The following TOX4 variants were observed in gnomAD, a reference collection of about 807,000 sequenced individuals.
The protein encoded by TOX4 is TOX high mobility group box family member 4, also known as epidermal Langerhans cell protein LCP1.
In TOX4, 12 loss-of-function variants were observed where a neutral mutation model predicts 61.0. The observed-to-expected ratio is 0.20, with a 90% CI of 0.13 to 0.32. The LOEUF is 0.32. TOX4 is among the 10% of genes least tolerant of loss of function. The probability of loss-of-function intolerance (pLI) is 1.00; values close to 1 mark genes in which losing one functional copy is unlikely to be tolerated. For missense variants in TOX4, 499 were observed against 753.3 expected (o/e 0.66, Z 3.95); for synonymous variants, 268 against 274.8 (o/e 0.98, Z 0.24).
At chr14:21,483,708 AT>A (rs1250345644) in intron 2 of TOX4, among the ~76,000 whole-genome samples, 1 of 151,716 alleles carries the variant, frequency 6.6e-6, no homozygotes, top group Non-Finnish European at 1.5e-5. Context: ...AACAACATAC[AT>A]AAATACATGA....
Position 21,498,333 on chromosome 14 carries a change from T to C in TOX4, c.*1727T>C, listed in dbSNP as rs1342755654. 2 of 1,614,010 alleles carry C rather than the reference T, an allele frequency of 1.2e-6. No individual in the cohort carries two copies. Among genetic ancestry groups the C allele is most frequent in the African/African-American group, 2.7e-5 (2 of 74,910 alleles). ...ACCGTGCAACCACATCTGGGTCTAGTAGGTGGATCCCATCCAGTTGGTTTC... is the reference window on the plus strand; with the variant it reads ...ACCGTGCAACCACATCTGGGTCTAGCAGGTGGATCCCATCCAGTTGGTTTC... On this transcript the variant is annotated 3_prime_UTR_variant, in exon 9 of 9. Transcript: ENST00000448790.
chr14:21,477,737 T>C, intron 2 of TOX4, 173 bp downstream of exon 2: 1 of 659,782 alleles, frequency 1.5e-6, no homozygotes, highest in South Asian at 1.9e-5. Context: ...TCTGGGGAAG[T>C]CTTGGGAAGT....
rs752527574 is a variant in TOX4 at position 21,495,290 on chromosome 14, C to T, written c.1703C>T (p.Pro568Leu). 2 of 1,614,096 alleles carry T rather than the reference C, an allele frequency of 1.2e-6. No homozygotes were observed. The highest frequency in any genetic ancestry group is 1.7e-6 in the Non-Finnish European group (2 of 1,180,012). Residue 568 changes from proline (P) to leucine (L), a missense_variant, in exon 8 of 9, where the codon CCC becomes CTC. Physicochemically the swap from Pro to Leu is moderately conservative, Grantham distance 98. Coordinates refer to ENST00000448790, the MANE Select transcript of TOX4 (RefSeq NM_014828.4). ...LVSGSPVALS[P>L]QPRCVRSGCE... is the part of the protein sequence containing the mutation. ...AGTGGGTCTCCTGTGGCACTCTCAC[C>T]CCAGCCTCGATGTGTGAGGTCTGGT... is the stretch of plus-strand genomic sequence containing the variant.
intron 7 of TOX4, 117 bp from the exon 8 acceptor site, chr14:21,495,112 C>G (rs540308205): frequency 4.2e-6 from 5 of 1,183,880 alleles, no homozygotes; most frequent in Non-Finnish European, 6.0e-6. Context: ...GTTTTGCCCC[C>G]CAGTGTGAGG....
At chr14:21,489,139 C>T in intron 4 of TOX4, 34 bp from the exon 5 acceptor site, 1 of 1,591,042 alleles carries the variant, frequency 6.3e-7, no homozygotes, top group Non-Finnish European at 8.6e-7. Flanking sequence ...TGTCATTGTC[C>T]ATTGTGTAAT....
Position 21,477,404 on chromosome 14 carries a change from G to T in TOX4, c.7-92G>T, listed in dbSNP as rs954720664. On this transcript the variant is annotated intron_variant, in intron 1 of 8. Coordinates refer to ENST00000448790, the MANE Select transcript of TOX4 (RefSeq NM_014828.4). ...GAGGAGAGAGAGCGGGGTTTGGGGA[G>T]TGTTGTCAGAATGTCAGGGTCAAAA... is the stretch of plus-strand genomic sequence containing the variant. The T allele has an allele frequency of 2.5e-6, 4 of 1,610,736 alleles. No homozygotes were observed. In the Admixed American group the frequency reaches 6.7e-5, roughly 27 times the overall value.
rs372701653 is a variant in TOX4 at position 21,477,923 on chromosome 14, A to G, written c.75+359A>G. 2.6e-5 allele frequency among the ~76,000 whole-genome samples: 4 copies of G among 152,140 alleles called. No homozygotes were observed. The East Asian group carries it at 5.8e-4, about 22-fold the overall frequency. On this transcript the variant is annotated intron_variant, in intron 2 of 8. Coordinates refer to ENST00000448790, the MANE Select transcript of TOX4 (RefSeq NM_014828.4). Reference sequence around the variant, plus strand: ...TCAGCAGCTGAAGAAATTGGGGTTGAGGGGAGGAGCTTATTGGTTTTCTTT... The same window carrying G: ...TCAGCAGCTGAAGAAATTGGGGTTGGGGGGAGGAGCTTATTGGTTTTCTTT...
Position 21,489,193 on chromosome 14 carries a change from A to G in TOX4, c.600A>G (p.Thr200=). ...DFRRQLPSQK[T]VVVEAGKKQK... is the part of the protein sequence containing the mutation. ...TACAGCAACTTCCCAGCCAGAAGAC[A>G]GTCGTGGTGGAAGCAGGGAAAAAGC... The change falls in exon 5 of 9, where the codon ACA becomes ACG. Residue 200 remains threonine, a synonymous_variant. Transcript: ENST00000448790. 1 of 1,613,930 alleles carries G rather than the reference A, an allele frequency of 6.2e-7. No individual in the cohort carries two copies. The highest frequency in any genetic ancestry group is 1.1e-5 in the South Asian group (1 of 91,042).
At chr14:21,484,456 C>T (rs1891165078) in intron 2 of TOX4, among the ~76,000 whole-genome samples, 1 of 102,294 alleles carries the variant, frequency 9.8e-6, no homozygotes, top group African/African-American at 3.6e-5. Flanking sequence ...TCAAGTGATT[C>T]TCCTGCCTCA....
chr14:21,480,960 C>A (rs2139617782), intron 2 of TOX4, among the ~76,000 whole-genome samples: 1 of 152,146 alleles, frequency 6.6e-6, no homozygotes, highest in Non-Finnish European at 1.5e-5. Flanking sequence ...TGTGGCAGCG[C>A]ATGCCTGTAA....
intron 5 of TOX4, among the ~76,000 whole-genome samples, chr14:21,491,801 G>A (rs1938468609): frequency 2.7e-5 from 4 of 150,892 alleles, no homozygotes; most frequent in Non-Finnish European, 4.4e-5. Flanking sequence ...CACAAGGTCA[G>A]GAGATCGAGA....
In TOX4 at chr14:21,495,370, G is replaced by C. The variant is rs769061163; in HGVS notation, c.1783G>C (p.Glu595Gln). 6.2e-7 allele frequency: 1 copy of C among 1,613,946 alleles called. No individual in the cohort carries two copies. The highest frequency in any genetic ancestry group is 8.5e-7 in the Non-Finnish European group (1 of 1,179,916). The part of the protein sequence containing the change: ...KDWDNEYCSN[E>Q]CVVKHCRDVF... ...CTGGGACAATGAATACTGCAGCAAT[G>C]AGTGTGTGGTGAAGCACTGCAGGTG... The change falls in exon 8 of 9, where the codon GAG becomes CAG. Residue 595 changes from glutamate to glutamine, a missense_variant. Glu to Gln is a conservative substitution (Grantham distance 29, BLOSUM62 2). Around this residue, in one of 7 missense-constraint regions of TOX4, gnomAD observed 296 missense variants for 404.7 expected, o/e 0.73. Transcript: ENST00000448790.
chr14:21,498,432 A>G lies in TOX4; in HGVS notation c.*1826A>G. The G allele has an allele frequency of 6.7e-7, 1 of 1,494,516 alleles. No individual in the cohort carries two copies. Among genetic ancestry groups the G allele is most frequent in the Non-Finnish European group, 9.2e-7 (1 of 1,081,426 alleles). The allele number at this position is 1,494,516 out of a possible 1,614,324, so 92.6% of individuals were successfully genotyped here. A position where few individuals can be genotyped will look rare whatever the true frequency, so the allele number is the denominator to read the frequency against. On this transcript the variant is annotated 3_prime_UTR_variant, in exon 9 of 9. Transcript: ENST00000448790. ...TGGAATTAGAGGGTTTAATATTGTTAAAAAATGCATACCAAATGAAGACTG... is the reference window on the plus strand; with the variant it reads ...TGGAATTAGAGGGTTTAATATTGTTGAAAAATGCATACCAAATGAAGACTG...
At chr14:21,486,996 CA>C (rs1375483486) in intron 2 of TOX4, among the ~76,000 whole-genome samples, 1 of 152,170 alleles carries the variant, frequency 6.6e-6, no homozygotes, top group African/African-American at 2.4e-5. Flanking sequence ...CCTAAAACAA[CA>C]AAGTATAATT....
chr14:21,494,193 A>G (rs1447043624), intron 7 of TOX4, among the ~76,000 whole-genome samples: 1 of 152,256 alleles, frequency 6.6e-6, no homozygotes, highest in Non-Finnish European at 1.5e-5. Context: ...AACTTTGGAC[A>G]TGCAAAGCTT....
chr14:21,483,686 A>C (rs973770519), intron 2 of TOX4, among the ~76,000 whole-genome samples: 38 of 152,106 alleles, frequency 2.5e-4, no homozygotes, highest in Non-Finnish European at 4.3e-4. Context: ...GAATTAAAAA[A>C]AACAACAACA....
rs1891189103 is a variant in TOX4, at chr14:21,486,244, TG to T, written c.76-1205del. On this transcript the variant is annotated intron_variant, in intron 2 of 8. Transcript: ENST00000448790. ...GTTCAATTATGAAAAAAAAAAATGTTGGTACCTATTGAATTTGATCTGAATC... is the reference window on the plus strand; with the variant it reads ...GTTCAATTATGAAAAAAAAAAATGTTGTACCTATTGAATTTGATCTGAATC... Among the ~76,000 whole-genome samples the T allele has an allele frequency of 1.9e-5, 2 of 107,116 alleles. 1 individual carries two copies. The highest frequency in any genetic ancestry group is 4.1e-5 in the Non-Finnish European group (2 of 48,786). 70.3% of individuals were successfully genotyped at this position (107,116 alleles called of 152,430 possible). A position where few individuals can be genotyped will look rare whatever the true frequency, so the allele number is the denominator to read the frequency against.
chr14:21,486,230 A>G lies in TOX4; in HGVS notation c.76-1221A>G, dbSNP rs1891188821. Among the ~76,000 whole-genome samples, 3 of 99,354 alleles carry G rather than the reference A, an allele frequency of 3.0e-5. 1 individual carries two copies. In the South Asian group the frequency reaches 1.0e-3, roughly 34 times the overall value. 65.2% of individuals were successfully genotyped at this position (99,354 alleles called of 152,430 possible). A position where few individuals can be genotyped will look rare whatever the true frequency, so the allele number is the denominator to read the frequency against. Reference sequence around the variant, plus strand: ...TTAAAGAATGCATTGTTCAATTATGAAAAAAAAAAATGTTGGTACCTATTG... The same window carrying G: ...TTAAAGAATGCATTGTTCAATTATGGAAAAAAAAAATGTTGGTACCTATTG... On this transcript the variant is annotated intron_variant, in intron 2 of 8. Coordinates refer to ENST00000448790, the MANE Select transcript of TOX4 (RefSeq NM_014828.4).
chr14:21,489,095 T>C, intron 4 of TOX4, 78 bp from the exon 5 acceptor site: 3 of 1,465,726 alleles, frequency 2.0e-6, no homozygotes, highest in Non-Finnish European at 2.8e-6. Flanking sequence ...TTCTGAAAAT[T>C]CCATACATGT....
Sources: allele counts gnomAD v4.1 joint callset (sites outside exome capture counted in the v4.1 genomes callset), GRCh38; gene constraint gnomAD v4.1.1; regional missense constraint gnomAD v4.1.1; transcripts MANE v1.5; gene names NCBI Gene and HGNC (gene_info 2026-07-23, HGNC 2026-07-21).